The following NRG1 variants were observed in gnomAD, a reference collection of about 807,000 sequenced individuals.
The protein encoded by NRG1 is pro-neuregulin-1, membrane-bound isoform.
A neutral mutation model predicts 63.8 loss-of-function variants in NRG1; 18 were observed. The ratio of observed to expected loss-of-function variants is 0.28; its 90% confidence interval spans 0.19 to 0.42. NRG1 has a LOEUF of 0.42. Ranked by LOEUF, NRG1 falls within the 10% of genes least tolerant of loss-of-function variation. The probability of loss-of-function intolerance (pLI) is 1.00; values close to 1 mark genes in which losing one functional copy is unlikely to be tolerated. For synonymous variants in NRG1, 302 were observed against 301.3 expected, an observed-to-expected ratio of 1.00 and a Z score of -0.02; for missense variants, 762 against 814.7, an observed-to-expected ratio of 0.94 and a Z score of 0.79.
intron 1 of NRG1, among the ~76,000 whole-genome samples, chr8:32,432,499 G>A (rs189649040): frequency 2.8e-4 from 42 of 151,954 alleles, no homozygotes; most frequent in East Asian, 5.8e-4. Context: ...TTATCACACC[G>A]GTTTTTGTTT....
rs75372207 is a variant in NRG1, at chr8:32,000,286, T to C, written c.37+360855T>C. ...TTTTGTTTACATGTATCCAGAGTTGTTCCCTACCTTTGCAAGGTCAGTGTC... is the reference window on the plus strand; with the variant it reads ...TTTTGTTTACATGTATCCAGAGTTGCTCCCTACCTTTGCAAGGTCAGTGTC... On this transcript the variant is annotated intron_variant, in intron 1 of 10. Transcript: ENST00000519301. Among the ~76,000 whole-genome samples, 162 of 152,128 alleles carry C rather than the reference T, an allele frequency of 1.1e-3. 2 individuals carry two copies. The East Asian group carries it at 0.028, about 26-fold the overall frequency.
chr8:32,716,086 T>A (rs1277831869), intron 5 of NRG1, among the ~76,000 whole-genome samples: 1 of 152,244 alleles, frequency 6.6e-6, no homozygotes, highest in East Asian at 1.9e-4. Flanking sequence ...CTTGGTGGGA[T>A]TCAGAAGTGT....
intron 1 of NRG1, among the ~76,000 whole-genome samples, chr8:32,105,762 T>C (rs879471502): frequency 1.3e-5 from 2 of 152,194 alleles, no homozygotes; most frequent in Admixed American, 6.5e-5. Context: ...TAACTCTTGA[T>C]GTTTTTATTA....
intron 1 of NRG1, among the ~76,000 whole-genome samples, chr8:32,444,342 G>T (rs1229334594): frequency 1.3e-5 from 2 of 151,948 alleles, no homozygotes; most frequent in Middle Eastern, 3.4e-3. Context: ...TAGAGACTTT[G>T]TTGCCTAGGC....
At chr8:31,758,377 AG>A (rs1410028224) in intron 1 of NRG1, among the ~76,000 whole-genome samples, 1 of 152,156 alleles carries the variant, frequency 6.6e-6, no homozygotes, top group African/African-American at 2.4e-5. Context: ...ATATACCCAA[AG>A]GATTATAAAT....
chr8:32,376,828 G>C (rs1220210727), intron 1 of NRG1, among the ~76,000 whole-genome samples: 1 of 152,172 alleles, frequency 6.6e-6, no homozygotes, highest in African/African-American at 2.4e-5. Context: ...TGATTAGCAA[G>C]TCTGAGTAGA....
intron 1 of NRG1, among the ~76,000 whole-genome samples, chr8:31,841,705 A>C (rs111467691): frequency 1.3e-5 from 2 of 152,320 alleles, no homozygotes; most frequent in African/African-American, 4.8e-5. Flanking sequence ...CTATAACTTC[A>C]GGTACAAGAA....
At chr8:32,585,212 T>A (rs1841385302) in intron 1 of NRG1, among the ~76,000 whole-genome samples, 1 of 151,720 alleles carries the variant, frequency 6.6e-6, no homozygotes, top group Non-Finnish European at 1.5e-5. Flanking sequence ...AAGAAAAAAA[T>A]CCTGTTTTAT....
intron 1 of NRG1, chr8:32,030,360 AT>A (rs1818073824): frequency 6.6e-6 from 1 of 152,192 alleles, no homozygotes; most frequent in African/African-American, 2.4e-5. Flanking sequence ...GAATATGGCT[AT>A]TCTGCTCTTC....
intron 5 of NRG1, among the ~76,000 whole-genome samples, chr8:32,694,498 A>T (rs1207146884): frequency 6.6e-6 from 1 of 152,126 alleles, no homozygotes; most frequent in Non-Finnish European, 1.5e-5. Context: ...GTGCTCGATC[A>T]GTTCCTTGTT....
chr8:31,747,288 A>G (rs1815982296), intron 1 of NRG1, among the ~76,000 whole-genome samples: 1 of 151,906 alleles, frequency 6.6e-6, no homozygotes, highest in Non-Finnish European at 1.5e-5. Flanking sequence ...CCCCGTGAAT[A>G]TATACACCTA....
intron 1 of NRG1, among the ~76,000 whole-genome samples, chr8:32,300,933 C>T (rs1396645254): frequency 6.6e-6 from 1 of 152,196 alleles, no homozygotes; most frequent in Non-Finnish European, 1.5e-5. Flanking sequence ...CTGTAAGCTA[C>T]ATCTACATTC....
intron 1 of NRG1, among the ~76,000 whole-genome samples, chr8:31,936,761 T>C (rs993112141): frequency 3.3e-5 from 5 of 152,224 alleles, no homozygotes; most frequent in African/African-American, 1.2e-4. Flanking sequence ...CAAGATACTC[T>C]ATTATCCCTT....
chr8:32,763,197 A>G (rs2129061446), intron 11 of NRG1: 4 of 1,611,248 alleles, frequency 2.5e-6, no homozygotes, highest in South Asian at 1.1e-5. Flanking sequence ...CTAAGTTACT[A>G]TGCTCTTTTT....
chr8:32,505,370 A>G (rs1828391480), intron 1 of NRG1, among the ~76,000 whole-genome samples: 1 of 152,304 alleles, frequency 6.6e-6, no homozygotes, highest in African/African-American at 2.4e-5. Flanking sequence ...ATTTAGGGTG[A>G]GAGCTCTCTA....
chr8:31,854,749 A>G (rs1585277281), intron 1 of NRG1, among the ~76,000 whole-genome samples: 1 of 151,960 alleles, frequency 6.6e-6, no homozygotes, highest in African/African-American at 2.4e-5. Flanking sequence ...GTGGGCATTT[A>G]GTGCTATAAA....
At chr8:32,669,763 T>G (rs1805143022) in intron 5 of NRG1, among the ~76,000 whole-genome samples, 1 of 152,224 alleles carries the variant, frequency 6.6e-6, no homozygotes, top group Admixed American at 6.5e-5. Context: ...TGCCTGATGG[T>G]ATATGCTAAA....
At chr8:32,126,484 T>C (rs994762277) in intron 1 of NRG1, among the ~76,000 whole-genome samples, 9 of 151,874 alleles carry the variant, frequency 5.9e-5, no homozygotes, top group Non-Finnish European at 4.4e-5. Context: ...GGATCATTCA[T>C]TGTCACAGCT....
chr8:31,674,988 T>TA (rs1342075548), intron 1 of NRG1, among the ~76,000 whole-genome samples: 1 of 152,200 alleles, frequency 6.6e-6, no homozygotes, highest in Non-Finnish European at 1.5e-5. Context: ...CCTGAGCTTT[T>TA]ACAGGTTTTA....
Sources: allele counts gnomAD v4.1 joint callset (sites outside exome capture counted in the v4.1 genomes callset), GRCh38; gene constraint gnomAD v4.1.1; transcripts MANE v1.5; gene names NCBI Gene and HGNC (gene_info 2026-07-23, HGNC 2026-07-21).